MCU: variants seen among roughly 807,000 people sequenced by gnomAD.
MCU encodes calcium uniporter protein, mitochondrial.
MCU carries 12 observed loss-of-function variants against 45.2 expected under a neutral mutation model. That is an observed-to-expected ratio of 0.27 (90% CI 0.17 to 0.43). The LOEUF (loss-of-function observed/expected upper bound fraction) is 0.43. Among genes scored for constraint, MCU ranks in the 20% least tolerant of loss-of-function variants. The pLI is 1.00. For synonymous variants in MCU, 160 were observed against 165.1 expected (o/e 0.97, Z 0.24); for missense variants, 324 against 436.7 (o/e 0.74, Z 2.30).
chr10:72,774,019 C>T (rs761614239), intron 1 of MCU, among the ~76,000 whole-genome samples: 4 of 152,140 alleles, frequency 2.6e-5, no homozygotes, highest in Non-Finnish European at 4.4e-5. Flanking sequence ...AAACCACTAA[C>T]GTGCTAAAGG....
In MCU at chr10:72,829,117, T is replaced by A. The variant is rs144043053; in HGVS notation, c.151-5242T>A. On this transcript the variant is annotated intron_variant, in intron 1 of 7. Coordinates refer to ENST00000373053, the MANE Select transcript of MCU (RefSeq NM_138357.3). Reference sequence around the variant, plus strand: ...GTGCAGATCACTTGAGTTCAGGAGTTCGAGACCAGCCAGGCCAACATGGTG... The same window carrying A: ...GTGCAGATCACTTGAGTTCAGGAGTACGAGACCAGCCAGGCCAACATGGTG... Among the ~76,000 whole-genome samples, 493 of 152,208 alleles carry A rather than the reference T, an allele frequency of 3.2e-3. 4 individuals carry two copies. Among genetic ancestry groups the A allele is most frequent in the Non-Finnish European group, 4.9e-3 (334 of 67,996 alleles).
intron 2 of MCU, among the ~76,000 whole-genome samples, chr10:72,854,191 G>A (rs1845252389): frequency 6.6e-6 from 1 of 152,140 alleles, no homozygotes; most frequent in South Asian, 2.1e-4. Flanking sequence ...TACTTTGGAG[G>A]CTGAGGCGGG....
intron 1 of MCU, chr10:72,716,003 G>A (rs936262197): frequency 2.1e-6 from 1 of 473,854 alleles, no homozygotes; most frequent in Non-Finnish European, 2.8e-6. Flanking sequence ...GTTGCCAGTT[G>A]ATTTTTCTGC....
chr10:72,789,430 A>G (rs1844125045), intron 1 of MCU, among the ~76,000 whole-genome samples: 2 of 152,164 alleles, frequency 1.3e-5, no homozygotes, highest in Admixed American at 6.5e-5. Flanking sequence ...TAGCTACCTT[A>G]GCTTTAGCTT....
At chr10:72,872,285 T>G (rs1488173341) in intron 6 of MCU, among the ~76,000 whole-genome samples, 2 of 152,144 alleles carry the variant, frequency 1.3e-5, no homozygotes, top group African/African-American at 2.4e-5. Flanking sequence ...TCCAAATCCT[T>G]TCTTCTAGCT....
chr10:72,795,495 T>C (rs1844229331), intron 1 of MCU, among the ~76,000 whole-genome samples: 1 of 152,256 alleles, frequency 6.6e-6, no homozygotes, highest in African/African-American at 2.4e-5. Context: ...GATACGGTGA[T>C]TTTAAAAATC....
chr10:72,876,670 T>C (rs1018409842), intron 6 of MCU, among the ~76,000 whole-genome samples: 1 of 152,200 alleles, frequency 6.6e-6, no homozygotes, highest in Non-Finnish European at 1.5e-5. Flanking sequence ...AGAAGCTTTC[T>C]AATTCTTAAA....
At chr10:72,701,161 A>G (rs1842754362) in intron 1 of MCU, among the ~76,000 whole-genome samples, 1 of 152,248 alleles carries the variant, frequency 6.6e-6, no homozygotes, top group Non-Finnish European at 1.5e-5. Context: ...AAATTGTCAG[A>G]TAATAAGAGA....
intron 6 of MCU, among the ~76,000 whole-genome samples, chr10:72,871,923 G>T (rs565519096): frequency 1.4e-4 from 21 of 152,202 alleles, no homozygotes; most frequent in Non-Finnish European, 2.6e-4. Context: ...GTGTTGCTTG[G>T]CTTTTTAAGT....
chr10:72,719,521 G>A (rs973837051), intron 1 of MCU, among the ~76,000 whole-genome samples: 8 of 152,168 alleles, frequency 5.3e-5, no homozygotes, highest in African/African-American at 1.9e-4. Context: ...TACGAGTGCT[G>A]GTATGTGTTC....
intron 1 of MCU, among the ~76,000 whole-genome samples, chr10:72,777,025 A>G (rs959140318): frequency 6.6e-6 from 1 of 152,230 alleles, no homozygotes; most frequent in African/African-American, 2.4e-5. Flanking sequence ...AAGGAAAACT[A>G]TAAAACTCTG....
At chr10:72,846,250 C>T (rs992861468) in intron 2 of MCU, among the ~76,000 whole-genome samples, 2 of 152,128 alleles carry the variant, frequency 1.3e-5, no homozygotes, top group African/African-American at 4.8e-5. Flanking sequence ...ACCATGTTGG[C>T]CAGGCTGGTC....
chr10:72,765,583 C>T (rs1843713791), intron 1 of MCU, among the ~76,000 whole-genome samples: 1 of 151,780 alleles, frequency 6.6e-6, no homozygotes, highest in Non-Finnish European at 1.5e-5. Flanking sequence ...AGCTTGTGCC[C>T]AGGAGTTCAA....
At chr10:72,730,203 C>T (rs1357986588) in intron 1 of MCU, among the ~76,000 whole-genome samples, 2 of 151,858 alleles carry the variant, frequency 1.3e-5, no homozygotes, top group African/African-American at 2.4e-5. Context: ...TAAAGTAATC[C>T]GCTTGCCTTA....
intron 6 of MCU, among the ~76,000 whole-genome samples, chr10:72,872,367 T>G (rs1845554810): frequency 6.6e-6 from 1 of 152,144 alleles, no homozygotes; most frequent in South Asian, 2.1e-4. Context: ...TAACTGTAAT[T>G]TTGTACCATT....
chr10:72,799,137 G>T (rs1844298366), intron 1 of MCU, among the ~76,000 whole-genome samples: 1 of 151,940 alleles, frequency 6.6e-6, no homozygotes, highest in South Asian at 2.1e-4. Context: ...ATATGGCCAG[G>T]CTGGTCTCGA....
chr10:72,840,048 G>C (rs966000257), intron 2 of MCU, among the ~76,000 whole-genome samples: 2 of 150,904 alleles, frequency 1.3e-5, no homozygotes, highest in African/African-American at 4.9e-5. Flanking sequence ...TTCTTGGATA[G>C]ATACTTATGA....
chr10:72,732,528 T>C (rs1843190015), intron 1 of MCU, among the ~76,000 whole-genome samples: 2 of 152,314 alleles, frequency 1.3e-5, no homozygotes, highest in Admixed American at 1.3e-4. Context: ...GCACTGCTAA[T>C]ATAGATCAAA....
At chr10:72,700,280 T>G (rs1326127340) in intron 1 of MCU, among the ~76,000 whole-genome samples, 1 of 152,110 alleles carries the variant, frequency 6.6e-6, no homozygotes, top group Non-Finnish European at 1.5e-5. Flanking sequence ...AGGCTGGTCT[T>G]GAACTCCTGG....
Sources: allele counts gnomAD v4.1 joint callset (sites outside exome capture counted in the v4.1 genomes callset), GRCh38; gene constraint gnomAD v4.1.1; transcripts MANE v1.5; gene names NCBI Gene and HGNC (gene_info 2026-07-23, HGNC 2026-07-21).